Variants in GRM7 observed in about 807,000 individuals in gnomAD.
GRM7 encodes the protein metabotropic glutamate receptor 7.
A neutral mutation model predicts 84.5 loss-of-function variants in GRM7; 35 were observed. The observed-to-expected ratio is 0.41, with a 90% CI of 0.32 to 0.55. The LOEUF (loss-of-function observed/expected upper bound fraction) is 0.55, where lower values mean the gene tolerates loss of function less well. GRM7 is among the 20% of genes least tolerant of loss of function. The pLI is 0.19. For synonymous variants in GRM7, 487 were observed against 455.1 expected (o/e 1.07, Z -0.89); for missense variants, 1,003 against 1,194.6 (o/e 0.84, Z 2.36).
intron 2 of GRM7, among the ~76,000 whole-genome samples, chr3:7,154,540 C>T (rs1005955156): frequency 9.2e-5 from 14 of 151,992 alleles, no homozygotes; most frequent in African/African-American, 2.7e-4. Context: ...CTTTACTTGC[C>T]TATGTAGAAA....
intron 1 of GRM7, among the ~76,000 whole-genome samples, chr3:6,955,416 A>C (rs1322180927): frequency 6.6e-6 from 1 of 152,086 alleles, no homozygotes; most frequent in Non-Finnish European, 1.5e-5. Flanking sequence ...GGGAGCCTGT[A>C]ATCCCAGCTA....
intron 6 of GRM7, among the ~76,000 whole-genome samples, chr3:7,454,141 T>G (rs886990278): frequency 2.9e-5 from 4 of 139,516 alleles, no homozygotes; most frequent in Middle Eastern, 3.8e-3. Flanking sequence ...TAAACTAACA[T>G]CACAATACTC....
At chr3:7,122,560 A>G (rs189288314) in intron 1 of GRM7, among the ~76,000 whole-genome samples, 3 of 152,330 alleles carry the variant, frequency 2.0e-5, no homozygotes, top group South Asian at 2.1e-4. Flanking sequence ...ATAAAACTGT[A>G]GCTTTTACCA....
At chr3:7,318,052 A>T (rs766359447) in intron 4 of GRM7, among the ~76,000 whole-genome samples, 3 of 152,140 alleles carry the variant, frequency 2.0e-5, no homozygotes, top group Non-Finnish European at 2.9e-5. Flanking sequence ...TAAATCTACA[A>T]ACCGAGTAAG....
chr3:7,406,833 A>C (rs1695702532), intron 4 of GRM7, among the ~76,000 whole-genome samples: 1 of 152,240 alleles, frequency 6.6e-6, no homozygotes, highest in Admixed American at 6.5e-5. Context: ...GCTAGATCAA[A>C]AAATTTGCAC....
intron 4 of GRM7, among the ~76,000 whole-genome samples, chr3:7,334,141 C>T (rs1251797312): frequency 6.6e-6 from 1 of 151,970 alleles, no homozygotes; most frequent in Non-Finnish European, 1.5e-5. Flanking sequence ...AAGATGATCA[C>T]CTAGGCACAT....
At chr3:7,296,099 TAG>T (rs932913983) in intron 2 of GRM7, among the ~76,000 whole-genome samples, 11 of 150,772 alleles carry the variant, frequency 7.3e-5, no homozygotes, top group East Asian at 1.9e-4. Flanking sequence ...TATATATATA[TAG>T]AGAGAGAGAA....
intron 5 of GRM7, among the ~76,000 whole-genome samples, chr3:7,448,737 C>T (rs752806658): frequency 6.6e-6 from 1 of 152,060 alleles, no homozygotes; most frequent in Non-Finnish European, 1.5e-5. Flanking sequence ...AATATGTTAA[C>T]ATACCTGGAG....
intron 2 of GRM7, among the ~76,000 whole-genome samples, chr3:7,238,597 C>T (rs1446462796): frequency 6.6e-6 from 1 of 152,078 alleles, no homozygotes; most frequent in Non-Finnish European, 1.5e-5. Context: ...ACAGAAGAAA[C>T]TCAATAAATA....
intron 2 of GRM7, among the ~76,000 whole-genome samples, chr3:7,192,125 A>G (rs1222441408): frequency 2.0e-5 from 3 of 152,140 alleles, no homozygotes; most frequent in Non-Finnish European, 1.5e-5. Flanking sequence ...GGGGATAGAG[A>G]AAGTTTGAGA....
At chr3:7,093,680 A>C (rs1698749527) in intron 1 of GRM7, among the ~76,000 whole-genome samples, 4 of 80,616 alleles carry the variant, frequency 5.0e-5, no homozygotes, top group South Asian at 5.1e-4. Context: ...CTGTCTCAAA[A>C]AAAAAAAAAA....
chr3:7,301,400 C>G (rs58071320), intron 3 of GRM7, among the ~76,000 whole-genome samples: 85 of 152,216 alleles, frequency 5.6e-4, no homozygotes, highest in Non-Finnish European at 5.9e-5. Context: ...TAAAAAATAT[C>G]TGCTAATACC....
At chr3:7,737,877 C>G (rs1311795488) in intron 9 of GRM7, among the ~76,000 whole-genome samples, 2 of 129,924 alleles carry the variant, frequency 1.5e-5, no homozygotes, top group East Asian at 4.4e-4. Context: ...CACAAAGTTT[C>G]GCTCTTGTTG....
At chr3:7,546,984 T>G (rs1693184386) in intron 7 of GRM7, among the ~76,000 whole-genome samples, 1 of 152,084 alleles carries the variant, frequency 6.6e-6, no homozygotes, top group East Asian at 1.9e-4. Context: ...GGATGCTTGT[T>G]TTCTTTTGTT....
rs745492027 is a variant in GRM7 at position 7,306,600 on chromosome 3, A to C, written c.981A>C (p.Glu327Asp). ...GSKINPLHQHEDIAEGAITIQ... is the reference protein window; with the variant it reads ...GSKINPLHQHDDIAEGAITIQ... ...AAATAAACCCACTGCACCAGCATGA[A>C]GATATCGCAGAAGGGGCCATCACCA... The change falls in exon 4 of 10, where the codon GAA becomes GAC. Residue 327 changes from glutamate to aspartate, a missense_variant. Physicochemically the swap from Glu to Asp is conservative, Grantham distance 45. Around this residue, in one of 2 missense-constraint regions of GRM7, gnomAD observed 910 missense variants for 1,126.0 expected, o/e 0.81. Transcript: ENST00000357716. The C allele has an allele frequency of 6.2e-7, 1 of 1,613,450 alleles. No homozygotes were observed. The highest frequency in any genetic ancestry group is 1.1e-5 in the South Asian group (1 of 91,020).
chr3:7,204,857 T>A (rs1696183271), intron 2 of GRM7, among the ~76,000 whole-genome samples: 1 of 152,246 alleles, frequency 6.6e-6, no homozygotes, highest in Non-Finnish European at 1.5e-5. Flanking sequence ...AAAAACGATG[T>A]GAAATTTATG....
intron 7 of GRM7, among the ~76,000 whole-genome samples, chr3:7,492,704 T>G (rs1386774427): frequency 6.6e-6 from 1 of 152,138 alleles, no homozygotes; most frequent in Non-Finnish European, 1.5e-5. Context: ...ATTTGATTTC[T>G]GCTCTTAATA....
chr3:7,040,547 T>C (rs973242775), intron 1 of GRM7, among the ~76,000 whole-genome samples: 2 of 151,794 alleles, frequency 1.3e-5, no homozygotes, highest in African/African-American at 2.4e-5. Flanking sequence ...TGGTGATCTG[T>C]CCACCTCGGC....
At chr3:7,278,152 CTT>C (rs1241418922) in intron 2 of GRM7, among the ~76,000 whole-genome samples, 2 of 151,954 alleles carry the variant, frequency 1.3e-5, no homozygotes, top group Non-Finnish European at 2.9e-5. Context: ...TGCACAAAGA[CTT>C]TACCTAAGAT....
Sources: allele counts gnomAD v4.1 joint callset (sites outside exome capture counted in the v4.1 genomes callset), GRCh38; gene constraint gnomAD v4.1.1; regional missense constraint gnomAD v4.1.1; transcripts MANE v1.5; gene names NCBI Gene and HGNC (gene_info 2026-07-23, HGNC 2026-07-21).